Variants in ARMC3 observed in about 807,000 individuals in gnomAD.
ARMC3 encodes the protein armadillo repeat-containing protein 3.
ARMC3 carries 74 observed loss-of-function variants against 90.3 expected under a neutral mutation model. The ratio of observed to expected loss-of-function variants is 0.82; its 90% CI spans 0.68 to 0.99. The LOEUF is 0.99. ARMC3 is among the 50% of genes least tolerant of loss of function. The pLI, the probability that ARMC3 is intolerant of heterozygous loss-of-function variation, is 0.00. For missense variants in ARMC3, 958 were observed against 1,042.8 expected (o/e 0.92, Z 1.12); for synonymous variants, 334 against 361.8 (o/e 0.92, Z 0.87).
intron 16 of ARMC3, among the ~76,000 whole-genome samples, chr10:23,013,262 A>C (rs1218778959): frequency 6.6e-6 from 1 of 152,076 alleles, no homozygotes; most frequent in Non-Finnish European, 1.5e-5. Context: ...GTTCCCTCTC[A>C]TCTTATAGCT....
intron 2 of ARMC3, 57 bp downstream of exon 2, chr10:22,932,101 T>C (rs1833954655): frequency 1.3e-6 from 2 of 1,487,984 alleles, no homozygotes; most frequent in Non-Finnish European, 1.8e-6. Context: ...AAAAATAAAT[T>C]GTTCACACAG....
chr10:22,956,353 T>A (rs1042881790), intron 4 of ARMC3, among the ~76,000 whole-genome samples: 1 of 152,182 alleles, frequency 6.6e-6, no homozygotes, highest in Non-Finnish European at 1.5e-5. Context: ...AAGATAAATT[T>A]AAATGTGCGT....
intron 2 of ARMC3, among the ~76,000 whole-genome samples, chr10:22,945,574 C>CT (rs571335895): frequency 2.4e-4 from 36 of 152,174 alleles, no homozygotes; most frequent in Admixed American, 7.2e-4. Flanking sequence ...TTTTCTACTG[C>CT]TTTTTTTATT....
chr10:22,987,178 ATAT>A (rs1836487487), intron 10 of ARMC3, among the ~76,000 whole-genome samples: 1 of 152,204 alleles, frequency 6.6e-6, no homozygotes, highest in South Asian at 2.1e-4. Flanking sequence ...GACATAGGAA[ATAT>A]TGTTTTCAGC....
chr10:22,956,527 C>T (rs1824854), intron 4 of ARMC3, among the ~76,000 whole-genome samples: 32,886 of 151,652 alleles, frequency 0.22, 3,738 homozygotes, highest in Non-Finnish European at 0.24. Context: ...CGCTTGAACT[C>T]GGGAGGTGGA....
chr10:22,958,970 G>C (rs1020742748), intron 4 of ARMC3, 100 bp from the exon 5 acceptor site: 5 of 937,118 alleles, frequency 5.3e-6, no homozygotes, highest in African/African-American at 1.6e-5. Context: ...TGATTCACCC[G>C]CCTCAGCCTT....
intron 2 of ARMC3, among the ~76,000 whole-genome samples, chr10:22,938,459 C>T (rs933750207): frequency 2.0e-5 from 3 of 152,100 alleles, no homozygotes; most frequent in Non-Finnish European, 4.4e-5. Flanking sequence ...AAAATAAGAT[C>T]GTTCTAGCTA....
intron 1 of ARMC3, among the ~76,000 whole-genome samples, chr10:22,929,846 G>A (rs921413297): frequency 6.6e-6 from 1 of 152,000 alleles, no homozygotes; most frequent in Non-Finnish European, 1.5e-5. Context: ...CCACCACGCC[G>A]GGCCATGATA....
intron 10 of ARMC3, among the ~76,000 whole-genome samples, chr10:22,994,590 C>G (rs1460762877): frequency 6.6e-6 from 1 of 152,142 alleles, no homozygotes; most frequent in African/African-American, 2.4e-5. Context: ...GAACTTTATC[C>G]TAAGCAATGG....
chr10:22,971,233 C>T (rs2131301691), intron 8 of ARMC3, among the ~76,000 whole-genome samples: 1 of 152,256 alleles, frequency 6.6e-6, no homozygotes, highest in South Asian at 2.1e-4. Context: ...CTTCTTAGGG[C>T]CAAAGAATAT....
intron 8 of ARMC3, among the ~76,000 whole-genome samples, chr10:22,978,489 C>T (rs115707940): frequency 0.019 from 2,846 of 152,256 alleles, 95 homozygotes; most frequent in African/African-American, 0.065. Flanking sequence ...GTGGGAATTA[C>T]GAGAACTGCA....
chr10:22,952,584 T>C (rs1834776031), intron 3 of ARMC3, among the ~76,000 whole-genome samples: 1 of 152,180 alleles, frequency 6.6e-6, no homozygotes, highest in African/African-American at 2.4e-5. Context: ...TACTGGTGAA[T>C]TCTACCAAAC....
In ARMC3 at chr10:23,038,509, A is replaced by G. The variant is rs1288376665; in HGVS notation, c.*1030A>G. On this transcript the variant is annotated 3_prime_UTR_variant, in exon 19 of 19. Coordinates refer to ENST00000298032, the MANE Select transcript of ARMC3 (RefSeq NM_173081.5). The stretch of plus-strand genomic sequence containing the variant: ...AATATAATTCTTTATTTCAGAATAA[A>G]TTTATTTCAAATGGCGTGGTAATTA... 1 of 152,168 alleles carries G rather than the reference A, an allele frequency of 6.6e-6. No individual in the cohort carries two copies. Among genetic ancestry groups the G allele is most frequent in the Non-Finnish European group, 1.5e-5 (1 of 68,032 alleles). 9.4% of individuals were successfully genotyped at this position (152,168 alleles called of 1,614,324 possible).
intron 18 of ARMC3, among the ~76,000 whole-genome samples, chr10:23,034,372 T>C (rs1839042486): frequency 6.6e-6 from 1 of 152,226 alleles, no homozygotes; most frequent in Non-Finnish European, 1.5e-5. Flanking sequence ...TTTTGAACTA[T>C]ATGCCAGGGA....
intron 10 of ARMC3, among the ~76,000 whole-genome samples, chr10:22,986,433 T>A (rs1465970614): frequency 2.0e-5 from 3 of 151,424 alleles, no homozygotes; most frequent in African/African-American, 7.3e-5. Flanking sequence ...ATATCTGTAA[T>A]CCCAGCTACA....
intron 2 of ARMC3, among the ~76,000 whole-genome samples, chr10:22,941,107 G>C (rs977293123): frequency 6.6e-6 from 1 of 152,118 alleles, no homozygotes; most frequent in Non-Finnish European, 1.5e-5. Flanking sequence ...TCCCTATGTA[G>C]TAATTTCATT....
At chr10:22,966,974 A>G (rs559028977) in intron 7 of ARMC3, among the ~76,000 whole-genome samples, 53 of 138,174 alleles carry the variant, frequency 3.8e-4, no homozygotes, top group African/African-American at 1.3e-3. Flanking sequence ...GAGCCAAACC[A>G]TATCAATGGG....
intron 3 of ARMC3, among the ~76,000 whole-genome samples, chr10:22,947,126 C>A (rs368885980): frequency 6.6e-6 from 1 of 151,900 alleles, no homozygotes; most frequent in Non-Finnish European, 1.5e-5. Context: ...GGCAACATGG[C>A]AAAACCCCAC....
chr10:22,968,556 G>A (rs1835546401), intron 8 of ARMC3, 67 bp downstream of exon 8: 2 of 1,396,160 alleles, frequency 1.4e-6, no homozygotes, highest in East Asian at 2.5e-5. Context: ...CTGGAGTGCT[G>A]TGGCGTGATC....
Sources: allele counts gnomAD v4.1 joint callset (sites outside exome capture counted in the v4.1 genomes callset), GRCh38; gene constraint gnomAD v4.1.1; transcripts MANE v1.5; gene names NCBI Gene and HGNC (gene_info 2026-07-23, HGNC 2026-07-21).